Variants in NEB observed in about 807,000 individuals in gnomAD.
NEB encodes the protein nebulin, also known as nemaline myopathy type 2.
Under a neutral mutation model 952.2 loss-of-function variants are expected in NEB, and 512 were observed. The observed-to-expected ratio is 0.54, with a 90% CI of 0.50 to 0.58. The LOEUF (loss-of-function observed/expected upper bound fraction) is 0.58. NEB is among the 20% of genes least tolerant of loss of function. NEB has a pLI of 0.00. For missense variants in NEB, 8,428 were observed against 9,231.1 expected (o/e 0.91, Z 3.56); for synonymous variants, 2,900 against 3,149.8 (o/e 0.92, Z 2.66).
In NEB at chr2:151,494,183, C is replaced by T. The variant is rs759962661; in HGVS notation, c.24557G>A (p.Arg8186His). Reference sequence around the variant, plus strand: ...TACCGAGCTAATGTTTTCTTGATTGCGTTTGACTCTCTGCATCTCAGGAGT... The same window carrying T: ...TACCGAGCTAATGTTTTCTTGATTGTGTTTGACTCTCTGCATCTCAGGAGT... ...PVTPEMQRVK[R>H]NQENISSVLY... The change falls in exon 174 of 182, where the codon CGC becomes CAC. Residue 8186 changes from arginine to histidine, a missense_variant. Transcript: ENST00000397345. 3.2e-5 allele frequency: 52 copies of T among 1,607,222 alleles called. No individual in the cohort carries two copies. Among genetic ancestry groups the T allele is most frequent in the South Asian group, 1.0e-4 (9 of 89,612 alleles).
chr2:151,559,273 TTACA>T lies in NEB; in HGVS notation c.19314+1315_19314+1318del, dbSNP rs1334836261. ...CTCACGCCAGTTAGAATGGTGATCA[TTACA>T]AAGTCAGGAAACAACAGATGCTGGA... is the stretch of plus-strand genomic sequence containing the variant. On this transcript the variant is annotated intron_variant, in intron 124 of 181. Coordinates refer to ENST00000397345, the MANE Select transcript of NEB (RefSeq NM_001164508.2). Among the ~76,000 whole-genome samples, 20 of 152,182 alleles carry T rather than the reference TTACA, an allele frequency of 1.3e-4. 1 individual carries two copies. The highest frequency in any genetic ancestry group is 4.8e-4 in the African/African-American group (20 of 41,430).
rs765806782 is a variant in NEB, at chr2:151,546,371, G to A, written c.20440C>T (p.Arg6814Cys). ...CAGAGCTTCCGCAGGTGCCGGGAGC[G>A]GACCATGTCAGGAGTGTCATACAGG... Reference protein sequence around the residue: ...CFLYDTPDMVRSRHLRKLWSN... With the variant: ...CFLYDTPDMVCSRHLRKLWSN... The change falls in exon 134 of 182, where the codon CGC becomes TGC. Residue 6814 changes from arginine to cysteine, a missense_variant. Around this residue, in one of 11 missense-constraint regions of NEB, gnomAD observed 3,374 missense variants for 3,651.5 expected, o/e 0.92. Coordinates refer to ENST00000397345, the MANE Select transcript of NEB (RefSeq NM_001164508.2). 1.6e-4 allele frequency: 260 copies of A among 1,612,852 alleles called. No homozygotes were observed. The highest frequency in any genetic ancestry group is 2.0e-4 in the Non-Finnish European group (241 of 1,179,382).
At chr2:151,690,635 T>C (rs2099541259) in intron 24 of NEB, 92 bp downstream of exon 24, 1 of 890,732 alleles carries the variant, frequency 1.1e-6, no homozygotes, top group African/African-American at 1.7e-5. Context: ...GGATGGTAGA[T>C]GAGCCCATGA....
intron 10 of NEB, among the ~76,000 whole-genome samples, chr2:151,716,558 A>G (rs1423697293): frequency 1.3e-5 from 2 of 152,214 alleles, no homozygotes; most frequent in African/African-American, 4.8e-5. Context: ...TATACTTACT[A>G]GATCCTTTAT....
chr2:151,646,333 T>C, intron 54 of NEB, 99 bp from the exon 55 acceptor site: 1 of 874,438 alleles, frequency 1.1e-6, no homozygotes, highest in Non-Finnish European at 1.8e-6. Flanking sequence ...AATTAAACAT[T>C]ATACAGAATT....
chr2:151,707,473 C>A (rs2099711328), intron 12 of NEB, among the ~76,000 whole-genome samples: 1 of 152,162 alleles, frequency 6.6e-6, no homozygotes, highest in South Asian at 2.1e-4. Flanking sequence ...TATGCCTCAC[C>A]TGCAACTGTG....
Position 151,507,028 on chromosome 2 carries a change from T to TAAAC in NEB, c.23452-19_23452-16dup, listed in dbSNP as rs1353413783. 7.0e-7 allele frequency: 1 copy of TAAAC among 1,438,846 alleles called. No individual in the cohort carries two copies. Among genetic ancestry groups the TAAAC allele is most frequent in the East Asian group, 2.3e-5 (1 of 43,936 alleles). The allele number at this position is 1,438,846 out of a possible 1,614,324, so 89.1% of individuals were successfully genotyped here. On this transcript the variant is annotated splice_polypyrimidine_tract_variant and intron_variant, in intron 162 of 181. Coordinates refer to ENST00000397345, the MANE Select transcript of NEB (RefSeq NM_001164508.2). ...TGGTATTGGAGCTATGAAGAAAGAG[T>TAAAC]AAACATCTTGTTAAGATTTCAACAT... is the stretch of plus-strand genomic sequence containing the variant.
intron 45 of NEB, among the ~76,000 whole-genome samples, 168 bp downstream of exon 45, chr2:151,663,380 T>C (rs1219687666): frequency 1.3e-5 from 2 of 152,192 alleles, no homozygotes; most frequent in African/African-American, 4.8e-5. Flanking sequence ...CTAGAATTGA[T>C]CTCCTTTTGT....
In NEB at chr2:151,618,461, G is replaced by A. The variant is rs2098277221; in HGVS notation, c.10890C>T (p.Asp3630=). 1 of 1,613,662 alleles carries A rather than the reference G, an allele frequency of 6.2e-7. No homozygotes were observed. Among genetic ancestry groups the A allele is most frequent in the Middle Eastern group, 1.7e-4 (1 of 6,036 alleles). Reference sequence around the variant, plus strand: ...AGCCAATGCCTTTCATCCATTCAAGGTCTGACTTATACAAATTCTGCAGAT... The same window carrying A: ...AGCCAATGCCTTTCATCCATTCAAGATCTGACTTATACAAATTCTGCAGAT... ...DLQSDNLYKS[D]LEWMKGIGWV... is the part of the protein sequence containing the mutation. The change falls in exon 74 of 182, where the codon GAC becomes GAT. Residue 3630 remains aspartate (D), a synonymous_variant. Transcript: ENST00000397345.
Position 151,513,700 on chromosome 2 carries a change from T to C in NEB, c.23128-7A>G. 6.4e-7 allele frequency: 1 copy of C among 1,566,584 alleles called. No homozygotes were observed. Among genetic ancestry groups the C allele is most frequent in the Non-Finnish European group, 8.7e-7 (1 of 1,148,740 alleles). On this transcript the variant is annotated splice_region_variant and splice_polypyrimidine_tract_variant and intron_variant, in intron 159 of 181. Coordinates refer to ENST00000397345, the MANE Select transcript of NEB (RefSeq NM_001164508.2). ...GGTCTCGCTTATATTCTTTCTATAG[T>C]AGCATTAAAAGAAAAAAAAAAGGTA...
chr2:151,569,728 A>C (rs916940202), intron 109 of NEB, among the ~76,000 whole-genome samples: 2 of 152,150 alleles, frequency 1.3e-5, no homozygotes, highest in East Asian at 3.8e-4. Flanking sequence ...ATTTCTAAAC[A>C]CTGTATCAAT....
chr2:151,679,677 C>T lies in NEB; in HGVS notation c.3255+44G>A, dbSNP rs748242988. The T allele has an allele frequency of 7.2e-6, 6 of 833,168 alleles. 1 individual carries two copies. The Middle Eastern group carries it at 8.5e-4, about 118-fold the overall frequency. The allele number at this position is 833,168 out of a possible 1,614,324, so 51.6% of individuals were successfully genotyped here. On this transcript the variant is annotated intron_variant, in intron 32 of 181. Transcript: ENST00000397345. ...CATCGTCAGACCCCAAGCCCACCCA[C>T]CCACATTTTCTAGTTGCCCATGTAT...
At chr2:151,692,918 C>T (rs2099569845) in intron 20 of NEB, among the ~76,000 whole-genome samples, 2 of 152,018 alleles carry the variant, frequency 1.3e-5, no homozygotes, top group African/African-American at 2.4e-5. Context: ...TACAGTGAGC[C>T]GAGATCGTGA....
At chr2:151,644,388 T>A in intron 56 of NEB, 80 bp downstream of exon 56, 1 of 1,356,566 alleles carries the variant, frequency 7.4e-7, no homozygotes, top group African/African-American at 1.4e-5. Context: ...TTAGATTTTG[T>A]TCAATTTAAA....
rs201419564 is a variant in NEB at position 151,502,816 on chromosome 2, G to C, written c.23905C>G (p.Arg7969Gly). ...ACCGAGCTAAAGTTCTCTTGATTGC[G>C]TTTGACTCTCTCCATCTCTGGAGTG... ...PITPEMERVK[R>G]NQENFSSILY... is the part of the protein sequence containing the mutation. The change falls in exon 167 of 182, where the codon CGC becomes GGC. Residue 7969 changes from arginine (R) to glycine (G), a missense_variant. Around this residue, in one of 11 missense-constraint regions of NEB, gnomAD observed 3,374 missense variants for 3,651.5 expected, o/e 0.92. Transcript: ENST00000397345. 6.2e-7 allele frequency: 1 copy of C among 1,604,576 alleles called. No individual in the cohort carries two copies. Among genetic ancestry groups the C allele is most frequent in the East Asian group, 2.2e-5 (1 of 44,686 alleles).
chr2:151,665,263 G>A (rs2099200315), intron 42 of NEB, 70 bp downstream of exon 42: 3 of 1,411,784 alleles, frequency 2.1e-6, no homozygotes, highest in Admixed American at 1.8e-5. Flanking sequence ...AGACGATTGG[G>A]GCACTGCCAG....
chr2:151,609,124 T>A (rs549040858), intron 81 of NEB, among the ~76,000 whole-genome samples: 97 of 150,258 alleles, frequency 6.5e-4, no homozygotes, highest in Middle Eastern at 3.6e-3. Context: ...TTTAAAAAAA[T>A]TTTTTTAAGG....
At chr2:151,633,591 G>C (rs1574516711) in intron 65 of NEB, 63 bp downstream of exon 65, 1 of 1,534,874 alleles carries the variant, frequency 6.5e-7, no homozygotes, top group Non-Finnish European at 8.8e-7. Flanking sequence ...GTATATAAAG[G>C]ATAATTTTCA....
chr2:151,572,002 G>A (rs2096645604), intron 107 of NEB, among the ~76,000 whole-genome samples: 1 of 152,186 alleles, frequency 6.6e-6, no homozygotes, highest in South Asian at 2.1e-4. Flanking sequence ...TTTCTGTACA[G>A]AAGAAAAAAT....
Sources: gnomAD v4.1 joint callset for allele counts (sites outside exome capture counted in the v4.1 genomes callset) on GRCh38, gnomAD v4.1.1 for gene constraint, gnomAD v4.1.1 regional missense constraint, MANE v1.5 for transcripts, NCBI Gene and HGNC (gene_info 2026-07-23, HGNC 2026-07-21) for gene names.